Variants in MIDEAS observed in about 807,000 individuals in gnomAD.
MIDEAS encodes the protein mitotic deacetylase associated SANT domain protein.
A neutral mutation model predicts 102.7 loss-of-function variants in MIDEAS; 26 were observed. The ratio of observed to expected loss-of-function variants is 0.25; its 90% CI spans 0.19 to 0.35. MIDEAS has a LOEUF of 0.35. Ranked by LOEUF, MIDEAS falls within the 10% of genes least tolerant of loss-of-function variation. The pLI is 1.00. For missense variants in MIDEAS, 1,231 were observed against 1,435.6 expected (o/e 0.86, Z 2.30); for synonymous variants, 585 against 591.0 (o/e 0.99, Z 0.15).
At chr14:73,774,329 C>T (rs2053670727) in intron 1 of MIDEAS, among the ~76,000 whole-genome samples, 1 of 151,884 alleles carries the variant, frequency 6.6e-6, no homozygotes, top group Non-Finnish European at 1.5e-5. Context: ...CAGGAGGATG[C>T]ATTCTTCCTC....
upstream of MIDEAS, among the ~76,000 whole-genome samples, chr14:73,761,024 A>T (rs1324256335): frequency 6.6e-6 from 1 of 152,114 alleles, no homozygotes; most frequent in Non-Finnish European, 1.5e-5. Context: ...CTCTAGGGCC[A>T]GGGGAAAGTT....
Position 73,739,708 on chromosome 14 carries a change from C to T in MIDEAS, c.301G>A (p.Val101Met). 6.2e-7 allele frequency: 1 copy of T among 1,613,938 alleles called. No individual in the cohort carries two copies. Among genetic ancestry groups the T allele is most frequent in the South Asian group, 1.1e-5 (1 of 91,078 alleles). ...TCCGGGCCCCGCCCTGGAGCCATCA[C>T]AGAGTTGGGCCACTTTACTGAGGCC... ...QVASVKWPNS[V>M]MAPGRGPERG... The change falls in exon 2 of 13, where the codon GTG becomes ATG. Residue 101 changes from valine to methionine, a missense_variant. Physicochemically the swap from Val to Met is conservative, Grantham distance 21 (BLOSUM62 1). This residue lies in a region of MIDEAS where 758 missense variants were observed against 856.0 expected (regional missense o/e 0.89). Transcript: ENST00000423556.
At position 73,725,209 on chromosome 14, in the gene MIDEAS, G is replaced by A; in HGVS notation, c.2574+63C>T. 1 of 1,330,862 alleles carries A rather than the reference G, an allele frequency of 7.5e-7. No homozygotes were observed. The highest frequency in any genetic ancestry group is 1.1e-6 in the Non-Finnish European group (1 of 922,284). 82.4% of individuals were successfully genotyped at this position (1,330,862 alleles called of 1,614,324 possible). On this transcript the variant is annotated intron_variant, in intron 9 of 12. Transcript: ENST00000423556. The surrounding 1 kb of genome is among the most constrained non-coding windows in gnomAD (Gnocchi z 4.1). ...AAGAGGGATTGGTCACTGGCAGAGG[G>A]AGCCCCAAAGTCACACAGGCAGCTC...
At chr14:73,728,107 G>A (rs1198545416) in intron 4 of MIDEAS, 3 of 151,538 alleles carry the variant, frequency 2.0e-5, no homozygotes, top group East Asian at 3.9e-4. Context: ...GCAGTGGTGC[G>A]ATCTCGGCTC....
chr14:73,775,156 C>A (rs2053678330), intron 1 of MIDEAS, among the ~76,000 whole-genome samples: 1 of 151,866 alleles, frequency 6.6e-6, no homozygotes, highest in Admixed American at 6.6e-5. Flanking sequence ...AGAAGTGCGT[C>A]CAGGAGCAGC....
intron 1 of MIDEAS, among the ~76,000 whole-genome samples, chr14:73,750,767 C>T (rs1275838125): frequency 6.6e-6 from 1 of 152,206 alleles, no homozygotes; most frequent in Non-Finnish European, 1.5e-5. Context: ...TAAACTCGTC[C>T]GAGGACACAC....
At chr14:73,754,193 C>T (rs1219271757) in intron 1 of MIDEAS, among the ~76,000 whole-genome samples, 1 of 152,246 alleles carries the variant, frequency 6.6e-6, no homozygotes, top group Non-Finnish European at 1.5e-5. Context: ...GCTGTTTACA[C>T]TCAAGTGTGC....
chr14:73,784,877 G>C (rs1288241706), intron 1 of MIDEAS, among the ~76,000 whole-genome samples: 1 of 152,226 alleles, frequency 6.6e-6, no homozygotes, highest in African/African-American at 2.4e-5. Flanking sequence ...GAAGCACACA[G>C]GTACCTGCCA....
At chr14:73,738,444 G>A (rs1454814105) in intron 2 of MIDEAS, 116 bp downstream of exon 2, 3 of 1,288,280 alleles carry the variant, frequency 2.3e-6, no homozygotes, top group African/African-American at 3.0e-5. Flanking sequence ...TTTTCCCACA[G>A]GCAGCTGGCT....
At position 73,759,497 on chromosome 14, in the gene MIDEAS, C is replaced by T. The variant is rs1168474088; in HGVS notation, c.-248+266G>A. On this transcript the variant is annotated intron_variant, in intron 1 of 12. Coordinates refer to ENST00000423556, the MANE Select transcript of MIDEAS (RefSeq NM_001367710.1). The surrounding 1 kb of genome is among the most constrained non-coding windows in gnomAD (Gnocchi z 6.7). ...GCACAAACACCGCGGGGCTGCGCTG[C>T]ACACGCAGCTGCGGGCCGAGGGCGC... is the stretch of plus-strand genomic sequence containing the variant. Among the ~76,000 whole-genome samples, 6 of 150,844 alleles carry T rather than the reference C, an allele frequency of 4.0e-5. No homozygotes were observed. The highest frequency in any genetic ancestry group is 7.4e-5 in the Non-Finnish European group (5 of 67,604).
intron 1 of MIDEAS, among the ~76,000 whole-genome samples, chr14:73,774,946 A>T (rs1595299144): frequency 6.6e-6 from 1 of 151,946 alleles, no homozygotes; most frequent in African/African-American, 2.4e-5. Context: ...GGAGCCAGGC[A>T]CTCCTGCAAC....
rs189818005 is a variant in MIDEAS at position 73,721,580 on chromosome 14, G to A, written c.2725-71C>T. ...ACTGCTGTAGCACAGATTCTGACCC[G>A]GCCGGGGGGTTCACCAGCCCCAGCT... is the stretch of plus-strand genomic sequence containing the variant. On this transcript the variant is annotated intron_variant, in intron 10 of 12. Coordinates refer to ENST00000423556, the MANE Select transcript of MIDEAS (RefSeq NM_001367710.1). 216 of 1,452,248 alleles carry A rather than the reference G, an allele frequency of 1.5e-4. 1 individual carries two copies. The African/African-American group carries it at 2.2e-3, about 15-fold the overall frequency. 90.0% of individuals were successfully genotyped at this position (1,452,248 alleles called of 1,614,324 possible). A position where few individuals can be genotyped will look rare whatever the true frequency, so the allele number is the denominator to read the frequency against.
chr14:73,727,061 G>A, intron 5 of MIDEAS, 89 bp from the exon 6 acceptor site: 1 of 1,480,302 alleles, frequency 6.8e-7, no homozygotes, highest in Admixed American at 2.2e-5. Flanking sequence ...AAGATGAGGG[G>A]GAGCCGGCAG....
At chr14:73,732,509 G>A (rs909997073) in intron 3 of MIDEAS, among the ~76,000 whole-genome samples, 1 of 152,222 alleles carries the variant, frequency 6.6e-6, no homozygotes, top group Non-Finnish European at 1.5e-5. Flanking sequence ...GGTTTGTCCA[G>A]GTGTGGTGGC....
chr14:73,722,777 C>T lies in MIDEAS; in HGVS notation c.2645G>A (p.Arg882His). ...ATCCCCAAAGGTTAGAGTCCCATTG[C>T]GGCCGATTTTCACCTGCTTCTTGTA... ...YTYKKQVKIG[R>H]NGTLTFGDVD... The change falls in exon 10 of 13, where the codon CGC becomes CAC. Residue 882 changes from arginine to histidine, a missense_variant. By Grantham distance (29) the Arg-to-His change is conservative. Coordinates refer to ENST00000423556, the MANE Select transcript of MIDEAS (RefSeq NM_001367710.1). The T allele has an allele frequency of 6.2e-6, 10 of 1,614,158 alleles. No homozygotes were observed. Among genetic ancestry groups the T allele is most frequent in the South Asian group, 4.4e-5 (4 of 91,088 alleles).
In MIDEAS at chr14:73,729,749, A is replaced by C; in HGVS notation, c.1986T>G (p.Pro662=). The change falls in exon 4 of 13, where the codon CCT becomes CCG. Residue 662 remains proline, a synonymous_variant. Coordinates refer to ENST00000423556, the MANE Select transcript of MIDEAS (RefSeq NM_001367710.1). ...PPYTPPPILS[P]VREGSGLYFN... The stretch of plus-strand genomic sequence containing the variant: ...AGTAGAGGCCAGAGCCTTCCCGCAC[A>C]GGGCTGAGGATGGGGGGCGGCGTGT... 1 of 1,614,074 alleles carries C rather than the reference A, an allele frequency of 6.2e-7. No individual in the cohort carries two copies. The highest frequency in any genetic ancestry group is 8.5e-7 in the Non-Finnish European group (1 of 1,180,040).
intron 1 of MIDEAS, among the ~76,000 whole-genome samples, chr14:73,779,602 G>A (rs1227068989): frequency 1.7e-5 from 2 of 120,440 alleles, no homozygotes; most frequent in Non-Finnish European, 3.3e-5. Flanking sequence ...ACGGAGTCTC[G>A]CTCTGTCGCC....
In MIDEAS at chr14:73,725,402, C is replaced by A. The variant is rs1379859592; in HGVS notation, c.2486-42G>T. The A allele has an allele frequency of 1.3e-6, 2 of 1,549,550 alleles. No homozygotes were observed. Among genetic ancestry groups the A allele is most frequent in the African/African-American group, 2.7e-5 (2 of 73,838 alleles). On this transcript the variant is annotated intron_variant, in intron 8 of 12. Coordinates refer to ENST00000423556, the MANE Select transcript of MIDEAS (RefSeq NM_001367710.1). The surrounding 1 kb of genome is among the most constrained non-coding windows in gnomAD (Gnocchi z 4.1). ...CAGCCAGGGAGTGAGGTGGGCAGGG[C>A]CCTGGCCACTGCAGGGCAATTTTGA...
At position 73,716,684 on chromosome 14, in the gene MIDEAS, A is replaced by C. The variant is rs904754631; in HGVS notation, c.*2159T>G. ...GGCGACAGAATGAGACTCTGTCTCA[A>C]AAAAAAAAAAAAAAAAAAAAAAAAA... On this transcript the variant is annotated 3_prime_UTR_variant, in exon 13 of 13. Coordinates refer to ENST00000423556, the MANE Select transcript of MIDEAS (RefSeq NM_001367710.1). 1.7e-4 allele frequency: 10 copies of C among 57,968 alleles called. No individual in the cohort carries two copies. Among genetic ancestry groups the C allele is most frequent in the African/African-American group, 1.3e-3 (10 of 7,922 alleles). The allele number at this position is 57,968 out of a possible 1,614,324, so 3.6% of individuals were successfully genotyped here.
Sources: gnomAD v4.1 joint callset for allele counts (sites outside exome capture counted in the v4.1 genomes callset) on GRCh38, gnomAD v4.1.1 for gene constraint, gnomAD v4.1.1 regional missense constraint, Gnocchi (gnomAD v3.1) non-coding constraint, MANE v1.5 for transcripts, NCBI Gene and HGNC (gene_info 2026-07-23, HGNC 2026-07-21) for gene names.